The following USP35 variants were observed in gnomAD, a reference collection of about 807,000 sequenced individuals.
The protein encoded by USP35 is ubiquitin specific peptidase 35.
Under a neutral mutation model 83.8 loss-of-function variants are expected in USP35, and 69 were observed. The ratio of observed to expected loss-of-function variants is 0.82; its 90% CI spans 0.68 to 1.01. The LOEUF (loss-of-function observed/expected upper bound fraction) is 1.01, where lower values mean the gene tolerates loss of function less well. Ranked by LOEUF, USP35 falls within the 50% of genes least tolerant of loss-of-function variation. USP35 has a pLI of 0.00. For synonymous variants in USP35, 714 were observed against 589.5 expected, an observed-to-expected ratio of 1.21 and a Z score of -3.06; for missense variants, 1,503 against 1,362.5, an observed-to-expected ratio of 1.10 and a Z score of -1.62.
chr11:78,222,295 A>T, the USP35 span: 1 of 764,012 alleles, frequency 1.3e-6, no homozygotes, highest in Non-Finnish European at 2.3e-6. Flanking sequence ...AAGGCCTGCA[A>T]AGTCATTCCA....
downstream of USP35, chr11:78,218,444 G>A (rs1402045921): frequency 6.6e-6 from 1 of 152,436 alleles, no homozygotes; most frequent in African/African-American, 2.4e-5. Flanking sequence ...CTAGCCCTTG[G>A]GCCTAGAGTG....
At chr11:78,207,466 T>C (rs964447120) in intron 7 of USP35, 64 bp from the exon 8 acceptor site, 39 of 1,537,386 alleles carry the variant, frequency 2.5e-5, no homozygotes, top group Non-Finnish European at 3.3e-5. Context: ...GCCTGTGACA[T>C]GGGTGACTAG....
At chr11:78,203,171 C>T (rs1272342345) in intron 6 of USP35, among the ~76,000 whole-genome samples, 1 of 152,096 alleles carries the variant, frequency 6.6e-6, no homozygotes, top group African/African-American at 2.4e-5. Context: ...CAGATACAGT[C>T]CTTCTCAAGG....
chr11:78,228,632 T>C, the USP35 span, among the ~76,000 whole-genome samples: 1 of 152,144 alleles, frequency 6.6e-6, no homozygotes, highest in Non-Finnish European at 1.5e-5. Flanking sequence ...AAGCCAGGCT[T>C]CCTCTCATGT....
intron 6 of USP35, among the ~76,000 whole-genome samples, chr11:78,202,043 A>G (rs1381253246): frequency 6.6e-6 from 1 of 152,244 alleles, no homozygotes; most frequent in Non-Finnish European, 1.5e-5. Flanking sequence ...CTTGCAAGAA[A>G]GTAAGGGGGA....
rs750186073 is a variant in USP35 at position 78,209,678 on chromosome 11, G to C, written c.1823G>C (p.Arg608Pro). The C allele has an allele frequency of 6.2e-7, 1 of 1,613,744 alleles. No individual in the cohort carries two copies. The highest frequency in any genetic ancestry group is 1.3e-5 in the African/African-American group (1 of 74,898). ...TTCCCTCCTCCTGAGCGCTGTCGCCGCCGCCGCCTGGGCTCTGTGATGCGC... is the reference window on the plus strand; with the variant it reads ...TTCCCTCCTCCTGAGCGCTGTCGCCCCCGCCGCCTGGGCTCTGTGATGCGC... ...LAFPPPERCR[R>P]RRLGSVMRPT... Residue 608 changes from arginine to proline, a missense_variant, in exon 10 of 11, where the codon CGC becomes CCC. Physicochemically the swap from Arg to Pro is moderately radical, Grantham distance 103. Coordinates refer to ENST00000529308, the MANE Select transcript of USP35 (RefSeq NM_020798.4).
At position 78,200,661 on chromosome 11, in the gene USP35, C is replaced by T. The variant is rs910783562; in HGVS notation, c.1050C>T (p.His350=). Residue 350 remains histidine, a synonymous_variant, in exon 6 of 11, where the codon CAC becomes CAT. Transcript: ENST00000529308. ...CTCTGCTCCCACAGCTCCTCCCTCA[C>T]ATCCCCCCCATGGTGGCCTCTCTGG... The part of the protein sequence containing the change: ...SHEAFHLLLP[H]IPPMVASLVK... 2.2e-5 allele frequency: 36 copies of T among 1,610,462 alleles called. No individual in the cohort carries two copies. The highest frequency in any genetic ancestry group is 2.9e-5 in the Non-Finnish European group (34 of 1,177,990).
chr11:78,209,739 A>C lies in USP35; in HGVS notation c.1884A>C (p.Pro628=), dbSNP rs1284166246. 2 of 1,613,468 alleles carry C rather than the reference A, an allele frequency of 1.2e-6. No homozygotes were observed. The highest frequency in any genetic ancestry group is 2.7e-5 in the African/African-American group (2 of 74,702). ...ACATCACAGCCCGGGAGTTGCCCCCACCAACCAGTGCACAGGGGCCAGGCA... is the reference window on the plus strand; with the variant it reads ...ACATCACAGCCCGGGAGTTGCCCCCCCCAACCAGTGCACAGGGGCCAGGCA... ...TEDITARELP[P]PTSAQGPGRV... The change falls in exon 10 of 11, where the codon CCA becomes CCC. Residue 628 remains proline, a synonymous_variant. Transcript: ENST00000529308.
At chr11:78,226,521 G>T in the USP35 span, 9 of 1,608,250 alleles carry the variant, frequency 5.6e-6, no homozygotes, top group Non-Finnish European at 7.6e-6. Context: ...GGGGATGGTG[G>T]CAGCGACAGA....
Position 78,210,459 on chromosome 11 carries a change from T to A in USP35, c.2604T>A (p.Arg868=). Residue 868 remains arginine (R), a synonymous_variant, in exon 10 of 11, where the codon CGT becomes CGA. Coordinates refer to ENST00000529308, the MANE Select transcript of USP35 (RefSeq NM_020798.4). The part of the protein sequence containing the change: ...SESGHYYCYA[R]EGAARPAASL... ...GTGGTCACTACTACTGCTATGCCCG[T>A]GAGGGCGCTGCCCGCCCTGCCGCTT... The A allele has an allele frequency of 6.2e-7, 1 of 1,614,212 alleles. No homozygotes were observed. The highest frequency in any genetic ancestry group is 1.1e-5 in the South Asian group (1 of 91,090).
Position 78,196,400 on chromosome 11 carries a change from GCGCGGAGGAGCTGC to G in USP35, c.160_173del (p.Glu54ProfsTer173). On this transcript the variant is annotated frameshift_variant, in exon 2 of 11. Transcript: ENST00000529308. LOFTEE classifies it high-confidence loss of function. This position sits in a 1 kb window ranked among gnomAD's most constrained non-coding sequence, Gnocchi z 4.8. ...CTGGGCGCGCGCCTCTACGTGGGCGGCGCGGAGGAGCTGCCGCGCCGCGTGGGCTGCCAGCTGCT... is the reference window on the plus strand; with the variant it reads ...CTGGGCGCGCGCCTCTACGTGGGCGGCGCGCCGCGTGGGCTGCCAGCTGCT... 1 of 1,358,248 alleles carries G rather than the reference GCGCGGAGGAGCTGC, an allele frequency of 7.4e-7. No individual in the cohort carries two copies. 84.1% of individuals were successfully genotyped at this position (1,358,248 alleles called of 1,614,324 possible). A position where few individuals can be genotyped will look rare whatever the true frequency, so the allele number is the denominator to read the frequency against.
At chr11:78,219,263 G>A (rs1255227482), downstream of USP35, 2 of 1,611,908 alleles carry the variant, frequency 1.2e-6, no homozygotes, top group Non-Finnish European at 1.7e-6. Flanking sequence ...CTCTGCGGTG[G>A]CCCTCTCATC....
At chr11:78,220,258 A>G in the USP35 span, 149 of 1,597,342 alleles carry the variant, frequency 9.3e-5, no homozygotes, top group South Asian at 4.1e-4. Flanking sequence ...CCTGGCCTCC[A>G]TGATCTCTGC....
rs1862911514 is a variant in USP35 at position 78,188,920 on chromosome 11, G to T, written c.-248G>T. On this transcript the variant is annotated 5_prime_UTR_variant, in exon 1 of 11. Coordinates refer to ENST00000529308, the MANE Select transcript of USP35 (RefSeq NM_020798.4). Reference sequence around the variant, plus strand: ...GCCCCTCCCCATGCTTCATCCCGCAGCCCCGGGGCCGCGCCGCAGAGTCGG... The same window carrying T: ...GCCCCTCCCCATGCTTCATCCCGCATCCCCGGGGCCGCGCCGCAGAGTCGG... 1.0e-6 allele frequency: 1 copy of T among 985,644 alleles called. No homozygotes were observed. Among genetic ancestry groups the T allele is most frequent in the Non-Finnish European group, 1.2e-6 (1 of 830,124 alleles). 61.1% of individuals were successfully genotyped at this position (985,644 alleles called of 1,614,324 possible). A position where few individuals can be genotyped will look rare whatever the true frequency, so the allele number is the denominator to read the frequency against.
chr11:78,199,618 C>T lies in USP35; in HGVS notation c.830C>T (p.Pro277Leu), dbSNP rs751945583. 2 of 1,614,142 alleles carry T rather than the reference C, an allele frequency of 1.2e-6. No individual in the cohort carries two copies. Among genetic ancestry groups the T allele is most frequent in the Non-Finnish European group, 1.7e-6 (2 of 1,180,016 alleles). ...ISRMIDWVSW[P>L]LGKNIDKWII... ...AGGATGATTGACTGGGTGTCCTGGC[C>T]CCTGGGGAAGAATATTGACAAGTGG... The change falls in exon 4 of 11, where the codon CCC becomes CTC. Residue 277 changes from proline to leucine, a missense_variant. Coordinates refer to ENST00000529308, the MANE Select transcript of USP35 (RefSeq NM_020798.4).
At chr11:78,197,460 G>A (rs1004686563) in intron 2 of USP35, among the ~76,000 whole-genome samples, 6 of 152,186 alleles carry the variant, frequency 3.9e-5, no homozygotes, top group African/African-American at 1.4e-4. Flanking sequence ...TACAGTGCAA[G>A]TGAGTGAAAG....
chr11:78,188,926 G>C lies in USP35; in HGVS notation c.-242G>C. The C allele has an allele frequency of 1.0e-6, 1 of 985,622 alleles. No individual in the cohort carries two copies. The highest frequency in any genetic ancestry group is 1.7e-5 in the African/African-American group (1 of 57,346). 61.1% of individuals were successfully genotyped at this position (985,622 alleles called of 1,614,324 possible). Reference sequence around the variant, plus strand: ...CCCCATGCTTCATCCCGCAGCCCCGGGGCCGCGCCGCAGAGTCGGGCTTCC... The same window carrying C: ...CCCCATGCTTCATCCCGCAGCCCCGCGGCCGCGCCGCAGAGTCGGGCTTCC... On this transcript the variant is annotated 5_prime_UTR_variant, in exon 1 of 11. Transcript: ENST00000529308.
At chr11:78,219,541 T>A, downstream of USP35, 1 of 824,978 alleles carries the variant, frequency 1.2e-6, no homozygotes, top group Non-Finnish European at 2.0e-6. Context: ...TGCCTGCCAC[T>A]GACCAGCCTC....
rs115283462 is a variant in USP35, at chr11:78,213,270, T to C, written c.2890-376T>C. On this transcript the variant is annotated intron_variant, in intron 10 of 10. Coordinates refer to ENST00000529308, the MANE Select transcript of USP35 (RefSeq NM_020798.4). ...GATCGCCATGAGGCTGACGTCCTGG[T>C]AGCAGGAGGATGGGCTTTCTCATAG... is the stretch of plus-strand genomic sequence containing the variant. Among the ~76,000 whole-genome samples the C allele has an allele frequency of 7.5e-3, 1,145 of 152,208 alleles. 16 individuals are homozygous for C. The highest frequency in any genetic ancestry group is 0.026 in the African/African-American group (1,069 of 41,538).
Sources: gnomAD v4.1 joint callset for allele counts (sites outside exome capture counted in the v4.1 genomes callset) on GRCh38, gnomAD v4.1.1 for gene constraint, Gnocchi (gnomAD v3.1) non-coding constraint, MANE v1.5 for transcripts, NCBI Gene and HGNC (gene_info 2026-07-23, HGNC 2026-07-21) for gene names.